Variants in PRKDC observed in about 807,000 individuals in gnomAD.
The protein encoded by PRKDC is protein kinase, DNA-activated, catalytic subunit.
A neutral mutation model predicts 486.9 loss-of-function variants in PRKDC; 82 were observed. That is an observed-to-expected ratio of 0.17 (90% CI 0.14 to 0.20). The LOEUF is 0.20. PRKDC is among the 10% of genes least tolerant of loss of function. The pLI is 1.00. For missense variants in PRKDC, 4,504 were observed against 5,038.2 expected, an observed-to-expected ratio of 0.89 and a Z score of 3.21; for synonymous variants, 1,895 against 1,837.0, an observed-to-expected ratio of 1.03 and a Z score of -0.81.
chr8:47,880,484 G>T (rs190983062), intron 38 of PRKDC, among the ~76,000 whole-genome samples: 17 of 152,184 alleles, frequency 1.1e-4, no homozygotes, highest in Admixed American at 1.1e-3. Context: ...AAATTCCAAA[G>T]AATTATCCCC....
Position 47,893,256 on chromosome 8 carries a change from G to C in PRKDC, c.3730C>G (p.Leu1244Val). The C allele has an allele frequency of 1.2e-6, 2 of 1,612,346 alleles. No individual in the cohort carries two copies. Among genetic ancestry groups the C allele is most frequent in the Non-Finnish European group, 1.7e-6 (2 of 1,179,064 alleles). The change falls in exon 31 of 86, where the codon CTT (leucine) becomes GTT (valine). Residue 1244 changes from leucine (L) to valine (V), a missense_variant. Leu to Val is a conservative substitution (Grantham distance 32). This residue lies in a region of PRKDC where 1,969 missense variants were observed against 2,068.9 expected (regional missense o/e 0.95). Transcript: ENST00000314191. ...GILAQPTLLY[L>V]RGPFSLQATL... The stretch of plus-strand genomic sequence containing the variant: ...GCCTGCAGGCTGAATGGCCCCCGAA[G>C]GTACAAGAGGGTGGGCTGGGCCAGG...
Position 47,889,030 on chromosome 8 carries a change from T to C in PRKDC, c.4264A>G (p.Lys1422Glu). The stretch of plus-strand genomic sequence containing the variant: ...AGTACCCACCTCTGTGCTGTTATTT[T>C]CTCTCTCAGATGGGTCTCTAGGATA... ...KDILETHLRE[K>E]ITAQSIEELC... Residue 1422 changes from lysine to glutamate, a missense_variant, in exon 33 of 86, where the codon AAA becomes GAA. By Grantham distance (56) the Lys-to-Glu change is moderately conservative. Around this residue, in one of 6 missense-constraint regions of PRKDC, gnomAD observed 1,969 missense variants for 2,068.9 expected, o/e 0.95. Coordinates refer to ENST00000314191, the MANE Select transcript of PRKDC (RefSeq NM_006904.7). 1.2e-6 allele frequency: 2 copies of C among 1,613,774 alleles called. No individual in the cohort carries two copies. Among genetic ancestry groups the C allele is most frequent in the Non-Finnish European group, 1.7e-6 (2 of 1,179,720 alleles).
chr8:47,799,629 G>A (rs1001217689), intron 71 of PRKDC, among the ~76,000 whole-genome samples: 14 of 152,210 alleles, frequency 9.2e-5, no homozygotes, highest in African/African-American at 3.4e-4. Context: ...GCCAGATGGT[G>A]CACAAGCAAC....
In PRKDC at chr8:47,912,487, G is replaced by T. The variant is rs1260281440; in HGVS notation, c.2857C>A (p.Gln953Lys). Residue 953 changes from glutamine (Q) to lysine (K), a missense_variant, in exon 25 of 86, where the codon CAG becomes AAG. Gln to Lys is a moderately conservative substitution (Grantham distance 53, BLOSUM62 1). This residue lies in a region of PRKDC where 1,969 missense variants were observed against 2,068.9 expected (regional missense o/e 0.95). Transcript: ENST00000314191. ...GKATQMPEGGQGAPPMYQLYK... is the reference protein window; with the variant it reads ...GKATQMPEGGKGAPPMYQLYK... ...AGCTGGTACATGGGTGGGGCTCCCTGTCCCCCTTCTGGCATCTGCGTGGCT... is the reference window on the plus strand; with the variant it reads ...AGCTGGTACATGGGTGGGGCTCCCTTTCCCCCTTCTGGCATCTGCGTGGCT... 1.2e-6 allele frequency: 2 copies of T among 1,612,576 alleles called. No homozygotes were observed. The highest frequency in any genetic ancestry group is 1.7e-6 in the Non-Finnish European group (2 of 1,179,156).
intron 33 of PRKDC, 95 bp downstream of exon 33, chr8:47,888,919 C>A: frequency 7.6e-7 from 1 of 1,309,348 alleles, no homozygotes. Context: ...TATAAGCCTT[C>A]CCTGAGGAAG....
chr8:47,839,155 C>T lies in PRKDC; in HGVS notation c.7546G>A (p.Gly2516Arg), dbSNP rs2088089459. ...GCCCAGTTATTCACGTACTGAAGTC[C>T]AGGGTTCTCATCGATCAATCCTTGA... ...LIQGLIDENPGLQLIIRNFWS... is the reference protein window; with the variant it reads ...LIQGLIDENPRLQLIIRNFWS... Residue 2516 changes from glycine (G) to arginine (R), a missense_variant, in exon 56 of 86, where the codon GGA (glycine) becomes AGA (arginine). Physicochemically the swap from Gly to Arg is moderately radical, Grantham distance 125 (BLOSUM62 -2). Transcript: ENST00000314191. The T allele has an allele frequency of 6.2e-7, 1 of 1,612,022 alleles. No homozygotes were observed. The highest frequency in any genetic ancestry group is 8.5e-7 in the Non-Finnish European group (1 of 1,178,288).
intron 10 of PRKDC, among the ~76,000 whole-genome samples, chr8:47,942,167 G>A (rs1012130588): frequency 1.3e-5 from 2 of 152,260 alleles, no homozygotes; most frequent in Non-Finnish European, 2.9e-5. Flanking sequence ...AATGTTTACT[G>A]AGATCCAAAC....
rs1295777662 is a variant in PRKDC, at chr8:47,921,153, G to A, written c.2420-2770C>T. Among the ~76,000 whole-genome samples the A allele has an allele frequency of 3.3e-5, 5 of 152,080 alleles. No homozygotes were observed. The South Asian group carries it at 1.0e-3, about 31-fold the overall frequency. ...ACCTGTATTCCCAGCTACTCGGGAG[G>A]CTGCGGCAGGAGAATGGCGTGAACC... On this transcript the variant is annotated intron_variant, in intron 21 of 85. Coordinates refer to ENST00000314191, the MANE Select transcript of PRKDC (RefSeq NM_006904.7).
At chr8:47,913,556 C>T (rs2089940801) in intron 24 of PRKDC, among the ~76,000 whole-genome samples, 1 of 152,106 alleles carries the variant, frequency 6.6e-6, no homozygotes, top group South Asian at 2.1e-4. Flanking sequence ...GCCAGCACAC[C>T]TAATTTTTGT....
chr8:47,948,593 G>A (rs2090575912), intron 7 of PRKDC, among the ~76,000 whole-genome samples: 1 of 150,668 alleles, frequency 6.6e-6, no homozygotes, highest in African/African-American at 2.4e-5. Context: ...CTGAGTAGCT[G>A]GGATTACAGG....
Position 47,782,691 on chromosome 8 carries a change from G to A in PRKDC, c.11176-93C>T. ...GAGTGGCTGTGAGCATTCCTCCGTG[G>A]GGCCGCCCTCTGAAGACAGTGCCAA... On this transcript the variant is annotated intron_variant, in intron 78 of 85. Transcript: ENST00000314191. This position sits in a 1 kb window ranked among gnomAD's most constrained non-coding sequence, Gnocchi z 4.9. 1 of 1,380,546 alleles carries A rather than the reference G, an allele frequency of 7.2e-7. No individual in the cohort carries two copies. Among genetic ancestry groups the A allele is most frequent in the Non-Finnish European group, 9.8e-7 (1 of 1,016,038 alleles). The allele number at this position is 1,380,546 out of a possible 1,614,324, so 85.5% of individuals were successfully genotyped here.
At chr8:47,816,831 A>AG (rs1381259345) in intron 68 of PRKDC, among the ~76,000 whole-genome samples, 3 of 152,160 alleles carry the variant, frequency 2.0e-5, no homozygotes, top group Non-Finnish European at 4.4e-5. Flanking sequence ...AAAAAAAAAA[A>AG]AAAAGTAGTA....
intron 21 of PRKDC, among the ~76,000 whole-genome samples, chr8:47,924,111 A>G (rs994475179): frequency 4.6e-5 from 7 of 152,164 alleles, no homozygotes; most frequent in Non-Finnish European, 8.8e-5. Context: ...TTTGATGCTC[A>G]AGTCATCACT....
rs1299415327 is a variant in PRKDC at position 47,955,965 on chromosome 8, A to T, written c.325-17T>A. The T allele has an allele frequency of 4.6e-6, 7 of 1,518,738 alleles. No homozygotes were observed. Among genetic ancestry groups the T allele is most frequent in the East Asian group, 2.3e-5 (1 of 44,268 alleles). The allele number at this position is 1,518,738 out of a possible 1,614,324, so 94.1% of individuals were successfully genotyped here. A position where few individuals can be genotyped will look rare whatever the true frequency, so the allele number is the denominator to read the frequency against. On this transcript the variant is annotated splice_polypyrimidine_tract_variant and intron_variant, in intron 3 of 85. Coordinates refer to ENST00000314191, the MANE Select transcript of PRKDC (RefSeq NM_006904.7). ...ACAAGTGTTCTAGGTTTTAAAAAAA[A>T]AATAACCAAAATCATCAATAAGATA...
chr8:47,857,145 T>C lies in PRKDC; in HGVS notation c.6609+11A>G, dbSNP rs775082929. The C allele has an allele frequency of 2.5e-6, 4 of 1,611,596 alleles. No individual in the cohort carries two copies. Among genetic ancestry groups the C allele is most frequent in the Non-Finnish European group, 2.5e-6 (3 of 1,179,002 alleles). ...ATAATATATTAACATAAAAGATGCA[T>C]CAATCCTTACTGTTGGAGTGGCCAA... On this transcript the variant is annotated intron_variant, in intron 49 of 85. Transcript: ENST00000314191.
At chr8:47,864,531 A>C in intron 41 of PRKDC, 25 bp downstream of exon 41, 1 of 1,580,438 alleles carries the variant, frequency 6.3e-7, no homozygotes, top group Non-Finnish European at 8.6e-7. Context: ...CTCACTTCTT[A>C]TTACTGATTT....
Position 47,777,834 on chromosome 8 carries a change from C to A in PRKDC, c.11894G>T (p.Arg3965Leu). ...VPELMPFRLT[R>L]QFINLMLPMK... ...TGGTAACATCAGATTGATAAACTGG[C>A]GAGTTAGCCGAAAAGGCATCAACTC... is the stretch of plus-strand genomic sequence containing the variant. The change falls in exon 84 of 86, where the codon CGC (arginine) becomes CTC (leucine). Residue 3965 changes from arginine (R) to leucine (L), a missense_variant. Physicochemically the swap from Arg to Leu is moderately radical, Grantham distance 102. Transcript: ENST00000314191. The A allele has an allele frequency of 1.2e-6, 2 of 1,613,854 alleles. No homozygotes were observed. Among genetic ancestry groups the A allele is most frequent in the Non-Finnish European group, 1.7e-6 (2 of 1,179,870 alleles).
At position 47,834,186 on chromosome 8, in the gene PRKDC, C is replaced by T; in HGVS notation, c.8152+10G>A. 1.2e-6 allele frequency: 2 copies of T among 1,614,022 alleles called. No homozygotes were observed. The highest frequency in any genetic ancestry group is 1.7e-6 in the Non-Finnish European group (2 of 1,179,886). On this transcript the variant is annotated intron_variant, in intron 59 of 85. Transcript: ENST00000314191. ...AAGCTATTTTAAGCACACTCAGCAA[C>T]CCAGCTTACCTTTCACTTTGTTATC...
chr8:47,776,644 G>C (rs1301572008), intron 85 of PRKDC, among the ~76,000 whole-genome samples, 200 bp downstream of exon 85: 24 of 152,306 alleles, frequency 1.6e-4, no homozygotes, highest in Non-Finnish European at 1.5e-5. Context: ...CAGTGCAGGG[G>C]TCACATACGT....
Sources: gnomAD v4.1 joint callset for allele counts (sites outside exome capture counted in the v4.1 genomes callset) on GRCh38, gnomAD v4.1.1 for gene constraint, gnomAD v4.1.1 regional missense constraint, Gnocchi (gnomAD v3.1) non-coding constraint, MANE v1.5 for transcripts, NCBI Gene and HGNC (gene_info 2026-07-23, HGNC 2026-07-21) for gene names.